Variants in SCMH1 observed in about 807,000 individuals in gnomAD.
SCMH1 encodes the protein Scm polycomb group protein homolog 1, also known as polycomb protein SCMH1.
In SCMH1, 37 loss-of-function variants were observed where a neutral mutation model predicts 70.8. The observed-to-expected ratio is 0.52, with a 90% CI of 0.40 to 0.69. The LOEUF is 0.69. Among genes scored for constraint, SCMH1 ranks in the 30% least tolerant of loss-of-function variants. The pLI is 0.00. For missense variants in SCMH1, 607 were observed against 827.3 expected (o/e 0.73, Z 3.27); for synonymous variants, 292 against 307.4 (o/e 0.95, Z 0.52).
chr1:41,049,599 T>C (rs966865382), intron 10 of SCMH1, among the ~76,000 whole-genome samples: 27 of 146,418 alleles, frequency 1.8e-4, no homozygotes, highest in Non-Finnish European at 3.3e-4. Context: ...TGAAACCCCG[T>C]CTCTATTAAA....
chr1:41,236,638 T>C (rs757972281), intron 1 of SCMH1, among the ~76,000 whole-genome samples: 5 of 152,192 alleles, frequency 3.3e-5, no homozygotes, highest in African/African-American at 4.8e-5. Flanking sequence ...CCTCTGCCCT[T>C]TGGATACCAA....
chr1:41,122,445 T>A (rs1347545552), intron 6 of SCMH1, among the ~76,000 whole-genome samples: 10 of 152,204 alleles, frequency 6.6e-5, no homozygotes, highest in African/African-American at 2.2e-4. Context: ...CTAGCCCCTA[T>A]CACCATCTGA....
At chr1:41,135,495 T>C (rs1476996985) in intron 6 of SCMH1, among the ~76,000 whole-genome samples, 3 of 152,214 alleles carry the variant, frequency 2.0e-5, no homozygotes, top group Admixed American at 2.0e-4. Flanking sequence ...TTCTCTTTCC[T>C]GCTGCCCTGT....
At chr1:41,238,934 T>C (rs1388098875) in intron 1 of SCMH1, among the ~76,000 whole-genome samples, 1 of 152,138 alleles carries the variant, frequency 6.6e-6, no homozygotes. Flanking sequence ...TCCTTAGTCA[T>C]CCAAGGCAAA....
intron 1 of SCMH1, among the ~76,000 whole-genome samples, chr1:41,190,324 TCTA>T (rs1651385857): frequency 6.6e-6 from 1 of 152,182 alleles, no homozygotes; most frequent in Admixed American, 6.5e-5. Context: ...TGAGATTTGC[TCTA>T]CTTCTTCAAT....
chr1:41,047,475 C>T (rs1433578711), intron 11 of SCMH1, among the ~76,000 whole-genome samples: 2 of 149,388 alleles, frequency 1.3e-5, no homozygotes, highest in Non-Finnish European at 3.0e-5. Context: ...CAGCTCACTG[C>T]AACCTCCGCC....
intron 8 of SCMH1, among the ~76,000 whole-genome samples, chr1:41,102,685 T>C (rs1666910770): frequency 6.6e-6 from 1 of 152,138 alleles, no homozygotes. Flanking sequence ...TTACTGAAAC[T>C]AAAAGGTGCA....
At chr1:41,127,207 A>T (rs1673412734) in intron 6 of SCMH1, among the ~76,000 whole-genome samples, 1 of 152,156 alleles carries the variant, frequency 6.6e-6, no homozygotes, top group Non-Finnish European at 1.5e-5. Flanking sequence ...TTTAGTCTTA[A>T]AAAATTTTTC....
At chr1:41,092,224 C>T (rs1453395218) in intron 8 of SCMH1, among the ~76,000 whole-genome samples, 1 of 152,180 alleles carries the variant, frequency 6.6e-6, no homozygotes, top group African/African-American at 2.4e-5. Flanking sequence ...TACCACACAT[C>T]TACAACCATC....
chr1:41,155,159 T>C (rs1202438959), intron 4 of SCMH1, among the ~76,000 whole-genome samples: 1 of 152,154 alleles, frequency 6.6e-6, no homozygotes, highest in Non-Finnish European at 1.5e-5. Flanking sequence ...CTCTGATGCA[T>C]ACCACGTGAT....
chr1:41,049,606 T>TAAA (rs1396195689), intron 10 of SCMH1, among the ~76,000 whole-genome samples: 7 of 139,856 alleles, frequency 5.0e-5, no homozygotes, highest in Non-Finnish European at 1.6e-5. Flanking sequence ...CCGTCTCTAT[T>TAAA]AAAAAAAAAA....
chr1:41,102,092 C>T (rs939587611), intron 8 of SCMH1, among the ~76,000 whole-genome samples: 1 of 152,102 alleles, frequency 6.6e-6, no homozygotes, highest in African/African-American at 2.4e-5. Flanking sequence ...TCAGATTTCT[C>T]GTCTCTATAG....
At chr1:41,142,981 A>G in exon 6 of SCMH1, 1 of 1,614,164 alleles carries the variant, frequency 6.2e-7, no homozygotes, top group Non-Finnish European at 8.5e-7. Flanking sequence ...TGTCGCTCCC[A>G]TCAAGGCGCA....
intron 8 of SCMH1, among the ~76,000 whole-genome samples, chr1:41,097,470 ATT>A (rs956371481): frequency 3.3e-5 from 5 of 152,092 alleles, no homozygotes; most frequent in African/African-American, 1.2e-4. Flanking sequence ...TCTCAAATTC[ATT>A]TCTTTTCTTT....
At chr1:41,182,582 G>T (rs560529729) in intron 2 of SCMH1, among the ~76,000 whole-genome samples, 15 of 152,044 alleles carry the variant, frequency 9.9e-5, no homozygotes, top group Non-Finnish European at 2.1e-4. Flanking sequence ...GCTAGGTGTG[G>T]AACCTGTGAT....
chr1:41,081,199 A>C (rs893760538), intron 8 of SCMH1, among the ~76,000 whole-genome samples: 1 of 152,228 alleles, frequency 6.6e-6, no homozygotes, highest in Non-Finnish European at 1.5e-5. Flanking sequence ...ACTGAAAACT[A>C]TAAAATATTG....
At chr1:41,050,838 T>G (rs1647849165) in intron 10 of SCMH1, among the ~76,000 whole-genome samples, 1 of 152,146 alleles carries the variant, frequency 6.6e-6, no homozygotes, top group Admixed American at 6.5e-5. Flanking sequence ...AGTTGGTGCC[T>G]CTGGAGGTGA....
intron 13 of SCMH1, among the ~76,000 whole-genome samples, chr1:41,029,673 T>C (rs1644251753): frequency 1.3e-5 from 2 of 152,214 alleles, no homozygotes; most frequent in African/African-American, 4.8e-5. Context: ...TTATTCTCTC[T>C]GCTTGGAATC....
intron 2 of SCMH1, among the ~76,000 whole-genome samples, chr1:41,175,174 T>G (rs1021202957): frequency 1.3e-5 from 2 of 152,220 alleles, no homozygotes; most frequent in Non-Finnish European, 2.9e-5. Flanking sequence ...TGAGTAAAGA[T>G]TGCCCTCACC....
Sources: allele counts gnomAD v4.1 joint callset (sites outside exome capture counted in the v4.1 genomes callset), GRCh38; gene constraint gnomAD v4.1.1; transcripts MANE v1.5; gene names NCBI Gene and HGNC (gene_info 2026-07-23, HGNC 2026-07-21).